The following PRKCB variants were observed in gnomAD, a reference collection of about 807,000 sequenced individuals.
PRKCB encodes protein kinase C beta, also known as protein kinase C beta type.
PRKCB carries 13 observed loss-of-function variants against 81.5 expected under a neutral mutation model. The ratio of observed to expected loss-of-function variants is 0.16; its 90% confidence interval spans 0.10 to 0.25. The LOEUF is 0.25. Ranked by LOEUF, PRKCB falls within the 10% of genes least tolerant of loss-of-function variation. The pLI is 1.00. For missense variants in PRKCB, 509 were observed against 875.7 expected, an observed-to-expected ratio of 0.58 and a Z score of 5.29; for synonymous variants, 335 against 321.4, an observed-to-expected ratio of 1.04 and a Z score of -0.45.
intron 2 of PRKCB, among the ~76,000 whole-genome samples, chr16:23,978,588 G>T (rs1019774800): frequency 2.0e-5 from 3 of 152,216 alleles, no homozygotes; most frequent in Admixed American, 6.5e-5. Flanking sequence ...AATAGGGAAT[G>T]TGTAAAATAC....
chr16:24,043,853 AGCAATGTCT>A lies in PRKCB; in HGVS notation c.529+8307_529+8315del, dbSNP rs1965733510. Among the ~76,000 whole-genome samples, 3 of 152,320 alleles carry A rather than the reference AGCAATGTCT, an allele frequency of 2.0e-5. No individual in the cohort carries two copies. In the South Asian group the frequency reaches 6.2e-4, roughly 32 times the overall value. ...TGACTGCCTTTGGGGACAGTGGTCC[AGCAATGTCT>A]ATTAAAATATGTATACATATGAACA... On this transcript the variant is annotated intron_variant, in intron 5 of 16. Transcript: ENST00000643927.
chr16:24,072,972 G>C (rs1488850623), intron 5 of PRKCB, among the ~76,000 whole-genome samples: 2 of 152,188 alleles, frequency 1.3e-5, no homozygotes, highest in Non-Finnish European at 2.9e-5. Flanking sequence ...TTTATGCAGT[G>C]CTCAGTCATC....
intron 5 of PRKCB, among the ~76,000 whole-genome samples, chr16:24,048,635 A>G (rs746893764): frequency 6.6e-6 from 1 of 151,984 alleles, no homozygotes; most frequent in Non-Finnish European, 1.5e-5. Context: ...GACTACAGGC[A>G]TGCGCCACCA....
At chr16:24,061,249 C>T (rs547641888) in intron 5 of PRKCB, among the ~76,000 whole-genome samples, 7 of 152,102 alleles carry the variant, frequency 4.6e-5, no homozygotes, top group Non-Finnish European at 7.4e-5. Context: ...TTAGTAGAGA[C>T]GGGGTTTTGC....
intron 2 of PRKCB, among the ~76,000 whole-genome samples, chr16:23,906,387 G>C (rs988672348): frequency 6.6e-6 from 1 of 151,694 alleles, no homozygotes; most frequent in Non-Finnish European, 1.5e-5. Context: ...ACCGGTTTTT[G>C]TTTGTGAAAG....
In PRKCB at chr16:24,216,100, G is replaced by T. The variant is rs932550557; in HGVS notation, c.*1284G>T. 4.6e-5 allele frequency: 45 copies of T among 985,320 alleles called. No homozygotes were observed. The African/African-American group carries it at 7.7e-4, about 17-fold the overall frequency. 61.0% of individuals were successfully genotyped at this position (985,320 alleles called of 1,614,324 possible). A position where few individuals can be genotyped will look rare whatever the true frequency, so the allele number is the denominator to read the frequency against. ...AACTGAGGAGGGAACTCAGGAGAAA[G>T]GAACTAACTGCGGAGCTTTAATCTT... is the stretch of plus-strand genomic sequence containing the variant. On this transcript the variant is annotated 3_prime_UTR_variant, in exon 17 of 17. Coordinates refer to ENST00000643927, the MANE Select transcript of PRKCB (RefSeq NM_002738.7).
At chr16:24,003,205 T>G (rs1297103395) in intron 3 of PRKCB, among the ~76,000 whole-genome samples, 1 of 152,094 alleles carries the variant, frequency 6.6e-6, no homozygotes, top group Non-Finnish European at 1.5e-5. Context: ...ATTGAACCTT[T>G]CTTAAACACT....
At chr16:24,031,621 CA>C (rs1397806130) in intron 3 of PRKCB, among the ~76,000 whole-genome samples, 2 of 152,236 alleles carry the variant, frequency 1.3e-5, no homozygotes, top group East Asian at 3.8e-4. Context: ...GTCTCTGCCA[CA>C]ACTTGCAGAC....
intron 3 of PRKCB, among the ~76,000 whole-genome samples, chr16:24,030,468 A>G (rs1416368720): frequency 5.9e-5 from 9 of 152,004 alleles, no homozygotes; most frequent in Admixed American, 3.3e-4. Flanking sequence ...GCTGCTTGCT[A>G]TGTGCCAGGT....
At chr16:24,178,636 T>C (rs1031630155) in intron 12 of PRKCB, among the ~76,000 whole-genome samples, 2 of 152,218 alleles carry the variant, frequency 1.3e-5, no homozygotes, top group Admixed American at 1.3e-4. Context: ...TTCCAAACTT[T>C]CACACAAATC....
Position 24,191,079 on chromosome 16 carries a change from TTCTC to T in PRKCB, c.1723-8_1723-5del. On this transcript the variant is annotated splice_region_variant and splice_polypyrimidine_tract_variant and intron_variant, in intron 15 of 16. Coordinates refer to ENST00000643927, the MANE Select transcript of PRKCB (RefSeq NM_002738.7). ...AACTCAGCAAATTCAATGTTTTTCT[TTCTC>T]TCGAAGCTGATGACCAAACACCCAG... 1.2e-6 allele frequency: 2 copies of T among 1,611,304 alleles called. No homozygotes were observed. The highest frequency in any genetic ancestry group is 2.2e-5 in the South Asian group (2 of 90,444).
intron 2 of PRKCB, among the ~76,000 whole-genome samples, chr16:23,929,196 G>A (rs539210056): frequency 1.3e-4 from 20 of 152,190 alleles, no homozygotes; most frequent in East Asian, 1.9e-4. Context: ...GAATCTAGGC[G>A]GCCGAAGGAC....
At chr16:24,074,667 A>G (rs576315138) in intron 5 of PRKCB, among the ~76,000 whole-genome samples, 2 of 152,354 alleles carry the variant, frequency 1.3e-5, no homozygotes, top group Admixed American at 6.5e-5. Context: ...AGTAGGAATG[A>G]CATGATAAGA....
chr16:24,197,954 G>T (rs150219833), intron 16 of PRKCB, among the ~76,000 whole-genome samples: 1 of 152,178 alleles, frequency 6.6e-6, no homozygotes, highest in Non-Finnish European at 1.5e-5. Context: ...GATACAGAGC[G>T]CTGGCTTGCA....
At chr16:24,017,377 T>C (rs530982384) in intron 3 of PRKCB, among the ~76,000 whole-genome samples, 2 of 152,272 alleles carry the variant, frequency 1.3e-5, no homozygotes, top group African/African-American at 4.8e-5. Context: ...ATGATTTCAA[T>C]GTAAAAAAGT....
At chr16:24,205,704 ATTTTT>A (rs927215669) in intron 16 of PRKCB, among the ~76,000 whole-genome samples, 1 of 152,002 alleles carries the variant, frequency 6.6e-6, no homozygotes, top group Non-Finnish European at 1.5e-5. Context: ...TGTCCATTTG[ATTTTT>A]TTTCATCCCT....
At position 24,113,183 on chromosome 16, in the gene PRKCB, C is replaced by T. The variant is rs539392384; in HGVS notation, c.918+114C>T. On this transcript the variant is annotated intron_variant, in intron 8 of 16. Transcript: ENST00000643927. ...TCTCTTATTCTTTTTTCTCTCCTTC[C>T]TTACTTCCTTCTTCCTCTCTCTTTT... 7 of 682,404 alleles carry T rather than the reference C, an allele frequency of 1.0e-5. No homozygotes were observed. The East Asian group carries it at 2.1e-4, about 21-fold the overall frequency. The allele number at this position is 682,404 out of a possible 1,614,324, so 42.3% of individuals were successfully genotyped here.
At chr16:24,166,584 A>G (rs1229261727) in intron 10 of PRKCB, among the ~76,000 whole-genome samples, 3 of 152,210 alleles carry the variant, frequency 2.0e-5, no homozygotes, top group African/African-American at 7.2e-5. Flanking sequence ...TCATACATCC[A>G]TGGACTACCT....
chr16:24,084,043 G>A (rs1567368579), intron 5 of PRKCB, among the ~76,000 whole-genome samples: 1 of 152,158 alleles, frequency 6.6e-6, no homozygotes, highest in African/African-American at 2.4e-5. Flanking sequence ...ATCAAAGTGT[G>A]TAGAAGCAGT....
Sources: allele counts gnomAD v4.1 joint callset (sites outside exome capture counted in the v4.1 genomes callset), GRCh38; gene constraint gnomAD v4.1.1; transcripts MANE v1.5; gene names NCBI Gene and HGNC (gene_info 2026-07-23, HGNC 2026-07-21).